The following CSMD1 variants were observed in gnomAD, a reference collection of about 807,000 sequenced individuals.
CSMD1 encodes the protein CUB and Sushi multiple domains 1, also known as CUB and sushi domain-containing protein 1.
In CSMD1, 213 loss-of-function variants were observed where a neutral mutation model predicts 417.5. The ratio of observed to expected loss-of-function variants is 0.51; its 90% CI spans 0.46 to 0.57. The LOEUF (loss-of-function observed/expected upper bound fraction) is 0.57, where lower values mean the gene tolerates loss of function less well. Ranked by LOEUF, CSMD1 falls within the 20% of genes least tolerant of loss-of-function variation. The pLI is 0.00. For synonymous variants in CSMD1, 2,862 were observed against 1,736.8 expected, an observed-to-expected ratio of 1.65 and a Z score of -16.11; for missense variants, 6,923 against 4,529.7, an observed-to-expected ratio of 1.53 and a Z score of -15.17.
intron 26 of CSMD1, among the ~76,000 whole-genome samples, chr8:3,230,541 G>A (rs1472539135): frequency 6.6e-6 from 1 of 152,042 alleles, no homozygotes; most frequent in Non-Finnish European, 1.5e-5. Context: ...CACACAGACT[G>A]ATTTTCTCTT....
chr8:4,001,414 G>C (rs539165487), intron 4 of CSMD1, among the ~76,000 whole-genome samples: 1 of 152,120 alleles, frequency 6.6e-6, no homozygotes, highest in East Asian at 1.9e-4. Flanking sequence ...AGGTGTCTAG[G>C]GAGTTTGTAG....
At chr8:4,471,303 G>T (rs774182616) in intron 2 of CSMD1, among the ~76,000 whole-genome samples, 1 of 152,100 alleles carries the variant, frequency 6.6e-6, no homozygotes, top group Non-Finnish European at 1.5e-5. Flanking sequence ...AAACAGGTTG[G>T]TAAAAAGCTG....
intron 5 of CSMD1, among the ~76,000 whole-genome samples, chr8:3,902,472 A>T (rs1264821877): frequency 6.6e-6 from 1 of 152,014 alleles, no homozygotes; most frequent in Non-Finnish European, 1.5e-5. Flanking sequence ...CCATGGACTC[A>T]AGTGGCAGGG....
chr8:3,367,529 A>G (rs967352304), intron 19 of CSMD1, among the ~76,000 whole-genome samples: 9 of 152,158 alleles, frequency 5.9e-5, no homozygotes, highest in Non-Finnish European at 2.9e-5. Context: ...CTGGACTTAG[A>G]CACATCAAGC....
chr8:4,210,809 G>A (rs1444689638), intron 3 of CSMD1, among the ~76,000 whole-genome samples: 4 of 152,078 alleles, frequency 2.6e-5, no homozygotes, highest in African/African-American at 9.7e-5. Flanking sequence ...AAGGTCTCAA[G>A]ACTATCAGTC....
Position 4,472,260 on chromosome 8 carries a change from C to T in CSMD1, c.303-52195G>A, listed in dbSNP as rs139660592. On this transcript the variant is annotated intron_variant, in intron 2 of 69. Transcript: ENST00000635120. ...TAGTTCTTACACTTTTGCACAGCCT[C>T]AGATGCAGTCTCTTCTAATAATTAA... Among the ~76,000 whole-genome samples the T allele has an allele frequency of 8.5e-5, 13 of 152,262 alleles. No individual in the cohort carries two copies. The East Asian group carries it at 2.5e-3, about 29-fold the overall frequency.
chr8:3,956,158 G>C (rs925188902), intron 5 of CSMD1, among the ~76,000 whole-genome samples: 1 of 149,672 alleles, frequency 6.7e-6, no homozygotes, highest in Admixed American at 6.7e-5. Flanking sequence ...AATAATCTTA[G>C]ATGCAAAAAG....
chr8:4,070,938 C>T (rs1458369982), intron 3 of CSMD1, among the ~76,000 whole-genome samples: 1 of 152,162 alleles, frequency 6.6e-6, no homozygotes, highest in African/African-American at 2.4e-5. Flanking sequence ...GGATGGCCTC[C>T]ATGGTGTTTG....
intron 2 of CSMD1, among the ~76,000 whole-genome samples, chr8:4,608,071 G>C (rs190038756): frequency 6.6e-6 from 1 of 152,164 alleles, no homozygotes; most frequent in Non-Finnish European, 1.5e-5. Context: ...CCTGGGAGGA[G>C]ATGGTGCTTG....
chr8:3,751,326 GTA>G (rs375444006), intron 6 of CSMD1, among the ~76,000 whole-genome samples: 3,943 of 132,850 alleles, frequency 0.03, 75 homozygotes, highest in Non-Finnish European at 0.042. Flanking sequence ...GTGTGTGTGT[GTA>G]TATATATATA....
rs554634260 is a variant in CSMD1 at position 4,177,601 on chromosome 8, G to C, written c.416-145502C>G. Among the ~76,000 whole-genome samples, 83 of 150,920 alleles carry C rather than the reference G, an allele frequency of 5.5e-4. 2 individuals carry two copies. The East Asian group carries it at 0.014, about 25-fold the overall frequency. On this transcript the variant is annotated intron_variant, in intron 3 of 69. Transcript: ENST00000635120. Reference sequence around the variant, plus strand: ...AATCAGAGCAGAACTGAAGGAAATAGAGATGCAAATAACCCTTCAAAAAAT... The same window carrying C: ...AATCAGAGCAGAACTGAAGGAAATACAGATGCAAATAACCCTTCAAAAAAT...
intron 7 of CSMD1, among the ~76,000 whole-genome samples, chr8:3,630,888 T>C (rs994180992): frequency 1.3e-5 from 2 of 152,182 alleles, no homozygotes; most frequent in African/African-American, 4.8e-5. Flanking sequence ...GTTATATGCA[T>C]GTGTGTCTGG....
chr8:4,402,027 G>A (rs60996276), intron 3 of CSMD1, among the ~76,000 whole-genome samples: 59,771 of 151,942 alleles, frequency 0.39, 13,760 homozygotes, highest in African/African-American at 0.65. Context: ...GTTATAATTC[G>A]TGGTGACTTC....
At chr8:3,867,323 C>T (rs1027616287) in intron 5 of CSMD1, among the ~76,000 whole-genome samples, 2 of 152,148 alleles carry the variant, frequency 1.3e-5, no homozygotes, top group Admixed American at 6.5e-5. Flanking sequence ...TTACCACAAA[C>T]AGTAGGGTAG....
intron 42 of CSMD1, among the ~76,000 whole-genome samples, chr8:3,111,556 G>A (rs374714840): frequency 2.6e-5 from 4 of 152,272 alleles, no homozygotes; most frequent in African/African-American, 9.6e-5. Context: ...CATAGGCTGG[G>A]CACGGTGGCT....
intron 8 of CSMD1, among the ~76,000 whole-genome samples, chr8:3,590,996 T>G: frequency 6.6e-6 from 1 of 152,182 alleles, no homozygotes; most frequent in East Asian, 1.9e-4. Context: ...TCTAACTTGG[T>G]TTTCTGGAAA....
chr8:3,019,371 T>C (rs1563244144), intron 51 of CSMD1, among the ~76,000 whole-genome samples: 1 of 152,120 alleles, frequency 6.6e-6, no homozygotes, highest in African/African-American at 2.4e-5. Context: ...AAGAATTACA[T>C]AGTAGTAATT....
At chr8:2,956,417 A>G (rs184744641) in intron 63 of CSMD1, among the ~76,000 whole-genome samples, 194 of 152,126 alleles carry the variant, frequency 1.3e-3, no homozygotes, top group African/African-American at 4.3e-3. Context: ...ACATATTATT[A>G]TAAAACAAGT....
chr8:3,792,342 T>C (rs1328584655), intron 5 of CSMD1, among the ~76,000 whole-genome samples: 1 of 152,108 alleles, frequency 6.6e-6, no homozygotes, highest in Non-Finnish European at 1.5e-5. Flanking sequence ...ATAAAATCAA[T>C]GAACACCCAC....
Sources: gnomAD v4.1 joint callset for allele counts (sites outside exome capture counted in the v4.1 genomes callset) on GRCh38, gnomAD v4.1.1 for gene constraint, MANE v1.5 for transcripts, NCBI Gene and HGNC (gene_info 2026-07-23, HGNC 2026-07-21) for gene names.